STK32C: variants seen among roughly 807,000 people sequenced by gnomAD.
STK32C encodes the protein serine/threonine kinase 32C, also known as serine/threonine-protein kinase 32C.
In STK32C, 31 loss-of-function variants were observed where a neutral mutation model predicts 56.5. The ratio of observed to expected loss-of-function variants is 0.55; its 90% CI spans 0.41 to 0.74. The LOEUF is 0.74. Among genes scored for constraint, STK32C ranks in the 30% least tolerant of loss-of-function variants. The probability of loss-of-function intolerance (pLI) is 0.00; values close to 1 mark genes in which losing one functional copy is unlikely to be tolerated. For missense variants in STK32C, 544 were observed against 676.9 expected, an observed-to-expected ratio of 0.80 and a Z score of 2.18; for synonymous variants, 309 against 289.4, an observed-to-expected ratio of 1.07 and a Z score of -0.69.
At chr10:132,304,339 C>T (rs2065996431) in intron 1 of STK32C, among the ~76,000 whole-genome samples, 1 of 152,146 alleles carries the variant, frequency 6.6e-6, no homozygotes, top group African/African-American at 2.4e-5. Context: ...CCACCAAACC[C>T]CCCCAGTTCA....
At chr10:132,249,048 G>T in intron 1 of STK32C, 1 of 475,962 alleles carries the variant, frequency 2.1e-6, no homozygotes, top group South Asian at 1.6e-5. Context: ...CCTCCCGACT[G>T]TGCGACGGAG....
chr10:132,329,395 C>T (rs2066587129), intron 1 of STK32C, among the ~76,000 whole-genome samples: 7 of 152,060 alleles, frequency 4.6e-5, no homozygotes, highest in Admixed American at 4.6e-4. Context: ...GCCTGGGTGA[C>T]AGACTGAGAC....
chr10:132,208,885 C>T, intron 11 of STK32C, 149 bp downstream of exon 11: 1 of 725,482 alleles, frequency 1.4e-6, no homozygotes, highest in South Asian at 1.8e-5. Context: ...CGCCGCTCCC[C>T]TCCATAGCTG....
Position 132,253,536 on chromosome 10 carries a change from G to C in STK32C, c.263-7581C>G, listed in dbSNP as rs1264518062. 1.2e-4 allele frequency among the ~76,000 whole-genome samples: 16 copies of C among 130,254 alleles called. 1 individual carries two copies. In the East Asian group the frequency reaches 3.3e-3, roughly 27 times the overall value. The allele number at this position is 130,254 out of a possible 152,430, so 85.5% of individuals were successfully genotyped here. On this transcript the variant is annotated intron_variant, in intron 1 of 11. Coordinates refer to ENST00000298630, the MANE Select transcript of STK32C (RefSeq NM_173575.4). ...GGAGCTGAGGGAGCCGGAGGGAGCT[G>C]GAGGGAGTCGAGGGAGCTGGAGGGA... is the stretch of plus-strand genomic sequence containing the variant.
At chr10:132,279,051 C>A (rs984235586) in intron 1 of STK32C, among the ~76,000 whole-genome samples, 3 of 151,956 alleles carry the variant, frequency 2.0e-5, no homozygotes, top group African/African-American at 7.3e-5. Flanking sequence ...ATGCAGGGGG[C>A]GGGGGACGGG....
intron 1 of STK32C, among the ~76,000 whole-genome samples, chr10:132,260,740 T>C (rs2064275622): frequency 1.3e-5 from 2 of 152,200 alleles, no homozygotes; most frequent in Non-Finnish European, 2.9e-5. Context: ...CGGGTGGGCA[T>C]TGCTTCACCA....
At chr10:132,273,830 G>A (rs1218450213) in intron 1 of STK32C, among the ~76,000 whole-genome samples, 3 of 147,434 alleles carry the variant, frequency 2.0e-5, no homozygotes, top group Non-Finnish European at 4.5e-5. Flanking sequence ...AGAGATGAGT[G>A]AATGAGTGAA....
intron 2 of STK32C, among the ~76,000 whole-genome samples, chr10:132,238,438 G>GA (rs2063374102): frequency 6.6e-6 from 1 of 152,218 alleles, no homozygotes; most frequent in Non-Finnish European, 1.5e-5. Flanking sequence ...ACGTGAAGGG[G>GA]AAACACGGGC....
downstream of STK32C, among the ~76,000 whole-genome samples, chr10:132,322,947 C>T (rs902050522): frequency 3.3e-5 from 5 of 152,140 alleles, no homozygotes; most frequent in Non-Finnish European, 7.3e-5. Flanking sequence ...AGTGTTCTTA[C>T]GAAACCAAAA....
chr10:132,220,683 G>A (rs2062609542), intron 10 of STK32C, among the ~76,000 whole-genome samples: 3 of 152,152 alleles, frequency 2.0e-5, no homozygotes, highest in Non-Finnish European at 2.9e-5. Flanking sequence ...AGTTTTAAGG[G>A]AAACATTTCA....
intron 1 of STK32C, among the ~76,000 whole-genome samples, chr10:132,298,777 C>T (rs536181248): frequency 5.2e-4 from 79 of 152,216 alleles, no homozygotes; most frequent in African/African-American, 1.7e-3. Context: ...AGGCCTCCAT[C>T]CAGGAGCCAC....
At chr10:132,282,601 G>C (rs1189644923) in intron 1 of STK32C, among the ~76,000 whole-genome samples, 1 of 152,216 alleles carries the variant, frequency 6.6e-6, no homozygotes, top group African/African-American at 2.4e-5. Context: ...CAGGGGAAGT[G>C]ACATACTAAA....
At chr10:132,319,394 G>C (rs1045506367), downstream of STK32C, among the ~76,000 whole-genome samples, 1 of 152,220 alleles carries the variant, frequency 6.6e-6, no homozygotes, top group Non-Finnish European at 1.5e-5. Context: ...ATTCATAGCA[G>C]CATGATTTCA....
At position 132,280,141 on chromosome 10, in the gene STK32C, G is replaced by A. The variant is rs139934019; in HGVS notation, c.262+27431C>T. On this transcript the variant is annotated intron_variant, in intron 1 of 11. Transcript: ENST00000298630. ...TCTGAGGCCTCCACTCTGTGATCACGCCCCTGCACTCTGTGATCACGCCCC... is the reference window on the plus strand; with the variant it reads ...TCTGAGGCCTCCACTCTGTGATCACACCCCTGCACTCTGTGATCACGCCCC... Among the ~76,000 whole-genome samples, 540 of 137,812 alleles carry A rather than the reference G, an allele frequency of 3.9e-3. 4 individuals are homozygous for A. Among genetic ancestry groups the A allele is most frequent in the African/African-American group, 0.015 (504 of 33,486 alleles). The allele number at this position is 137,812 out of a possible 152,430, so 90.4% of individuals were successfully genotyped here.
chr10:132,322,657 G>A (rs1334042509), downstream of STK32C, among the ~76,000 whole-genome samples: 1 of 152,160 alleles, frequency 6.6e-6, no homozygotes, highest in African/African-American at 2.4e-5. Flanking sequence ...AATGTTGCCA[G>A]CATCTTAGAA....
chr10:132,222,632 G>A lies in STK32C; in HGVS notation c.1251+9C>T, dbSNP rs765801404. On this transcript the variant is annotated intron_variant, in intron 10 of 11. Transcript: ENST00000298630. ...CGCCGCCGCGCCCTGAGCCTGCCCT[G>A]GCACTCACGGACTGGGAGCTGTCCC... 56 of 1,611,600 alleles carry A rather than the reference G, an allele frequency of 3.5e-5. No homozygotes were observed. The Middle Eastern group carries it at 6.7e-4, about 19-fold the overall frequency.
intron 1 of STK32C, among the ~76,000 whole-genome samples, chr10:132,329,831 C>T (rs546395235): frequency 2.2e-4 from 33 of 152,330 alleles, no homozygotes; most frequent in African/African-American, 7.2e-4. Flanking sequence ...AAGACACGGC[C>T]AGCGCCAGGC....
At chr10:132,331,422 C>CT in intron 1 of STK32C, 1 of 1,603,682 alleles carries the variant, frequency 6.2e-7, no homozygotes, top group Non-Finnish European at 8.5e-7. Context: ...AAAACCCTTC[C>CT]TCAGGACACT....
At chr10:132,241,958 A>T (rs2063516859) in intron 2 of STK32C, among the ~76,000 whole-genome samples, 1 of 152,140 alleles carries the variant, frequency 6.6e-6, no homozygotes, top group Non-Finnish European at 1.5e-5. Context: ...AATACAAAAA[A>T]AATTAGCTGA....
Sources: allele counts gnomAD v4.1 joint callset (sites outside exome capture counted in the v4.1 genomes callset), GRCh38; gene constraint gnomAD v4.1.1; transcripts MANE v1.5; gene names NCBI Gene and HGNC (gene_info 2026-07-23, HGNC 2026-07-21).